The following INSYN2B variants were observed in gnomAD, a reference collection of about 807,000 sequenced individuals.
INSYN2B encodes protein INSYN2B.
In INSYN2B, 16 loss-of-function variants were observed where a neutral mutation model predicts 41.2. That is an observed-to-expected ratio of 0.39 (90% confidence interval 0.26 to 0.59). The LOEUF (loss-of-function observed/expected upper bound fraction) is 0.59. INSYN2B is among the 20% of genes least tolerant of loss of function. The pLI is 0.57. For synonymous variants in INSYN2B, 245 were observed against 244.4 expected, an observed-to-expected ratio of 1.00 and a Z score of -0.02; for missense variants, 608 against 646.4, an observed-to-expected ratio of 0.94 and a Z score of 0.64.
chr5:169,902,137 A>G (rs1773963470), intron 1 of INSYN2B, among the ~76,000 whole-genome samples: 2 of 152,324 alleles, frequency 1.3e-5, no homozygotes, highest in Middle Eastern at 6.8e-3. Context: ...TATCAGAAAT[A>G]CCACAAAAAC....
At position 169,864,466 on chromosome 5, in the gene INSYN2B, AAC is replaced by A. The variant is rs1378406070; in HGVS notation, c.1422-9_1422-8del. On this transcript the variant is annotated splice_polypyrimidine_tract_variant and splice_region_variant and intron_variant, in intron 3 of 3. Transcript: ENST00000377365. ...CCGAAAATCATACTCTACACTGAAA[AAC>A]ACAGAGAGGAAGGAAGGAAAGTGAA... 8.6e-6 allele frequency: 13 copies of A among 1,520,066 alleles called. No individual in the cohort carries two copies. The highest frequency in any genetic ancestry group is 1.1e-5 in the Non-Finnish European group (12 of 1,132,400). The allele number at this position is 1,520,066 out of a possible 1,614,324, so 94.2% of individuals were successfully genotyped here.
intron 3 of INSYN2B, among the ~76,000 whole-genome samples, chr5:169,868,978 G>A (rs1771770272): frequency 6.6e-6 from 1 of 152,144 alleles, no homozygotes; most frequent in African/African-American, 2.4e-5. Context: ...CCCTGGGCAA[G>A]TTTCTTCTCT....
chr5:169,940,770 A>G (rs971097154), intron 1 of INSYN2B, among the ~76,000 whole-genome samples: 3 of 152,224 alleles, frequency 2.0e-5, no homozygotes, highest in Admixed American at 6.5e-5. Flanking sequence ...AGCTGTAAAT[A>G]CAGATAAAGC....
At chr5:169,906,611 T>C (rs1034250881) in intron 1 of INSYN2B, among the ~76,000 whole-genome samples, 7 of 152,142 alleles carry the variant, frequency 4.6e-5, no homozygotes, top group Non-Finnish European at 1.0e-4. Context: ...GGGTTACGGG[T>C]ATGAGCCACC....
At chr5:169,956,352 C>G (rs1581469268) in intron 1 of INSYN2B, among the ~76,000 whole-genome samples, 1 of 152,182 alleles carries the variant, frequency 6.6e-6, no homozygotes, top group Non-Finnish European at 1.5e-5. Flanking sequence ...ACAAGTGATA[C>G]TACTAACTTA....
intron 1 of INSYN2B, among the ~76,000 whole-genome samples, chr5:169,913,111 T>G (rs1774699369): frequency 6.6e-6 from 1 of 152,228 alleles, no homozygotes; most frequent in Non-Finnish European, 1.5e-5. Context: ...TCCTGTCATT[T>G]GAAACAGGTC....
intron 1 of INSYN2B, among the ~76,000 whole-genome samples, chr5:169,937,988 A>G (rs781616174): frequency 6.6e-6 from 1 of 152,212 alleles, no homozygotes; most frequent in Non-Finnish European, 1.5e-5. Context: ...GGCCAGACAG[A>G]TAGTGAAAAC....
chr5:169,956,316 T>C (rs1346914881), intron 1 of INSYN2B, among the ~76,000 whole-genome samples: 1 of 152,108 alleles, frequency 6.6e-6, no homozygotes, highest in African/African-American at 2.4e-5. Flanking sequence ...TAGAAAAAAT[T>C]AGGGAAATGA....
chr5:169,931,627 G>A lies in INSYN2B; in HGVS notation c.-918-46811C>T, dbSNP rs372384241. ...TGGCAAACTGACACAAGATCTCTGA[G>A]CCTGCTTCCTTGTCTGTGAAACTGG... On this transcript the variant is annotated intron_variant, in intron 1 of 3. Transcript: ENST00000377365. Among the ~76,000 whole-genome samples the A allele has an allele frequency of 2.4e-4, 37 of 152,340 alleles. 1 individual carries two copies. Among genetic ancestry groups the A allele is most frequent in the South Asian group, 2.1e-3 (10 of 4,826 alleles).
intron 1 of INSYN2B, among the ~76,000 whole-genome samples, chr5:169,927,835 C>G (rs1262777069): frequency 6.6e-6 from 1 of 152,166 alleles, no homozygotes; most frequent in Non-Finnish European, 1.5e-5. Flanking sequence ...CCAGGATGGT[C>G]TCAATCTCCT....
At chr5:169,939,378 A>G (rs987906439) in intron 1 of INSYN2B, among the ~76,000 whole-genome samples, 2 of 152,156 alleles carry the variant, frequency 1.3e-5, no homozygotes, top group Non-Finnish European at 2.9e-5. Context: ...GTCACCTCCT[A>G]TAACAATGCC....
At chr5:169,938,212 C>CTTTTCCTTTCTTCTTTTT (rs1251830172) in intron 1 of INSYN2B, among the ~76,000 whole-genome samples, 12 of 151,710 alleles carry the variant, frequency 7.9e-5, no homozygotes, top group East Asian at 1.9e-4. Flanking sequence ...AGAAATCTTT[C>CTTTTCCTTTCTTCTTTTT]TTTTTCTTTC....
chr5:169,960,818 G>A (rs1281293579), intron 1 of INSYN2B, among the ~76,000 whole-genome samples: 1 of 152,198 alleles, frequency 6.6e-6, no homozygotes, highest in Non-Finnish European at 1.5e-5. Context: ...TCTGAGTCAT[G>A]TGATGAAATC....
chr5:169,967,037 A>C (rs1309044314), intron 1 of INSYN2B, among the ~76,000 whole-genome samples: 1 of 152,236 alleles, frequency 6.6e-6, no homozygotes, highest in Non-Finnish European at 1.5e-5. Flanking sequence ...ATTAATGGTG[A>C]AGTACCTCCT....
At position 169,883,215 on chromosome 5, in the gene INSYN2B, T is replaced by C; in HGVS notation, c.684A>G (p.Glu228=). 1 of 1,551,622 alleles carries C rather than the reference T, an allele frequency of 6.4e-7. No homozygotes were observed. The highest frequency in any genetic ancestry group is 8.7e-7 in the Non-Finnish European group (1 of 1,146,936). ...CCAAAGGGTGTATGGAGTTACTTAC[T>C]TCAGCTGACCTGTCTGGGCTGAGAG... ...ESALSPDRSA[E]VSNSIHPLDD... The change falls in exon 2 of 4, where the codon GAA becomes GAG. Residue 228 remains glutamate (E), a synonymous_variant. Transcript: ENST00000377365.
In INSYN2B at chr5:169,864,085, C is replaced by G. The variant is rs1180571962; in HGVS notation, c.*188G>C. On this transcript the variant is annotated 3_prime_UTR_variant, in exon 4 of 4. Transcript: ENST00000377365. ...AGCCCTCAGCAAGCAGTCGCACGCA[C>G]TCAGGTAAGGATCGTGGTCAGGTGT... Among the ~76,000 whole-genome samples, 1 of 152,212 alleles carries G rather than the reference C, an allele frequency of 6.6e-6. No individual in the cohort carries two copies. The highest frequency in any genetic ancestry group is 1.9e-4 in the East Asian group (1 of 5,180).
At chr5:169,934,058 C>T (rs763872437) in intron 1 of INSYN2B, among the ~76,000 whole-genome samples, 1 of 152,154 alleles carries the variant, frequency 6.6e-6, no homozygotes, top group Non-Finnish European at 1.5e-5. Flanking sequence ...CCATACTGCT[C>T]ATTGATCAGT....
At chr5:169,955,506 A>G (rs1776828680) in intron 1 of INSYN2B, among the ~76,000 whole-genome samples, 1 of 152,156 alleles carries the variant, frequency 6.6e-6, no homozygotes. Context: ...TTACATCTTT[A>G]TACCTTTGAA....
At position 169,882,949 on chromosome 5, in the gene INSYN2B, T is replaced by C; in HGVS notation, c.950A>G (p.His317Arg). The change falls in exon 2 of 4, where the codon CAC becomes CGC. Residue 317 changes from histidine (H) to arginine (R), a missense_variant. Transcript: ENST00000377365. ...TCTTCCTGGGTGGGCTGGCTGGCTG[T>C]GGGAGCCTTGTGAGGGGGAACTGTG... The part of the protein sequence containing the change: ...RTHSSPSQGS[H>R]SQPAHPGRAS... 1.9e-6 allele frequency: 3 copies of C among 1,551,814 alleles called. No individual in the cohort carries two copies. Among genetic ancestry groups the C allele is most frequent in the East Asian group, 2.4e-5 (1 of 40,920 alleles).
Sources: gnomAD v4.1 joint callset for allele counts (sites outside exome capture counted in the v4.1 genomes callset) on GRCh38, gnomAD v4.1.1 for gene constraint, MANE v1.5 for transcripts, NCBI Gene and HGNC (gene_info 2026-07-23, HGNC 2026-07-21) for gene names.